The following ANKRD17 variants were observed in gnomAD, a reference collection of about 807,000 sequenced individuals.
The protein encoded by ANKRD17 is ankyrin repeat domain 17, also known as ankyrin repeat domain-containing protein 17.
In ANKRD17, 19 loss-of-function variants were observed where a neutral mutation model predicts 229.7. The observed-to-expected ratio is 0.08, with a 90% CI of 0.06 to 0.12. The LOEUF (loss-of-function observed/expected upper bound fraction) is 0.12, where lower values mean the gene tolerates loss of function less well. Ranked by LOEUF, ANKRD17 falls within the 10% of genes least tolerant of loss-of-function variation. The pLI, the probability that ANKRD17 is intolerant of heterozygous loss-of-function variation, is 1.00. For missense variants in ANKRD17, 2,176 were observed against 3,176.8 expected (o/e 0.68, Z 7.57); for synonymous variants, 1,112 against 1,146.1 (o/e 0.97, Z 0.60).
Position 73,073,377 on chromosome 4 carries a change from C to T in ANKRD17, c.*2854G>A, listed in dbSNP as rs1577965239. Reference sequence around the variant, plus strand: ...TGGGAATAAGTGTTGTGAAAAACATCAACATGAAAATAGATTTAATAAACT... The same window carrying T: ...TGGGAATAAGTGTTGTGAAAAACATTAACATGAAAATAGATTTAATAAACT... On this transcript the variant is annotated 3_prime_UTR_variant, in exon 34 of 34. Coordinates refer to ENST00000358602, the MANE Select transcript of ANKRD17 (RefSeq NM_032217.5). 1 of 152,020 alleles carries T rather than the reference C, an allele frequency of 6.6e-6. No homozygotes were observed. Among genetic ancestry groups the T allele is most frequent in the Non-Finnish European group, 1.5e-5 (1 of 67,930 alleles). 9.4% of individuals were successfully genotyped at this position (152,020 alleles called of 1,614,324 possible).
intron 27 of ANKRD17, 49 bp from the exon 28 acceptor site, chr4:73,094,277 T>C (rs1386163238): frequency 1.8e-5 from 27 of 1,509,982 alleles, no homozygotes; most frequent in Non-Finnish European, 2.5e-5. Context: ...TAACAATAGT[T>C]ATTGTAATTT....
chr4:73,168,266 A>G (rs1733503975), intron 2 of ANKRD17, among the ~76,000 whole-genome samples: 1 of 152,186 alleles, frequency 6.6e-6, no homozygotes, highest in African/African-American at 2.4e-5. Context: ...CATGCATTGC[A>G]TGTATAATAG....
intron 7 of ANKRD17, among the ~76,000 whole-genome samples, chr4:73,150,022 C>A (rs552078547): frequency 6.6e-6 from 1 of 152,250 alleles, no homozygotes; most frequent in East Asian, 1.9e-4. Context: ...CAGACATATT[C>A]TTTCAAACAT....
rs748135097 is a variant in ANKRD17, at chr4:73,098,518, C to G, written c.4576G>C (p.Glu1526Gln). 32 of 1,608,644 alleles carry G rather than the reference C, an allele frequency of 2.0e-5. No homozygotes were observed. The African/African-American group carries it at 4.0e-4, about 20-fold the overall frequency. ...QEKEKLKVED[E>Q]PEVLTEPPSA... ...GGAGGTTCTGTCAAGACTTCAGGCT[C>G]ATCTGTAAAAGTAGCAATACTGAAT... Residue 1526 changes from glutamate (E) to glutamine (Q), a missense_variant and splice_region_variant, in exon 26 of 34, where the codon GAG becomes CAG. Physicochemically the swap from Glu to Gln is conservative, Grantham distance 29. This residue lies in a region of ANKRD17 where 105 missense variants were observed against 118.3 expected (regional missense o/e 0.89). Coordinates refer to ENST00000358602, the MANE Select transcript of ANKRD17 (RefSeq NM_032217.5).
chr4:73,189,497 A>G, intron 1 of ANKRD17, among the ~76,000 whole-genome samples: 1 of 146,252 alleles, frequency 6.8e-6, no homozygotes, highest in East Asian at 2.0e-4. Flanking sequence ...CCTGGGTTCA[A>G]GCTATTTTCC....
intron 2 of ANKRD17, among the ~76,000 whole-genome samples, chr4:73,163,858 T>A (rs1732867145): frequency 6.6e-6 from 1 of 152,154 alleles, no homozygotes. Context: ...ATGCTTTTCT[T>A]TAATAAAAAA....
intron 16 of ANKRD17, among the ~76,000 whole-genome samples, chr4:73,134,521 T>G (rs1208018614): frequency 6.6e-6 from 1 of 152,128 alleles, no homozygotes; most frequent in Non-Finnish European, 1.5e-5. Context: ...CAACTACTTT[T>G]TAATAAAAAA....
At chr4:73,221,104 T>C (rs959060998) in intron 1 of ANKRD17, among the ~76,000 whole-genome samples, 8 of 152,086 alleles carry the variant, frequency 5.3e-5, no homozygotes, top group Non-Finnish European at 1.2e-4. Context: ...TATTACTACT[T>C]AGAAAATGTT....
intron 14 of ANKRD17, 106 bp downstream of exon 14, chr4:73,141,635 A>T: frequency 9.5e-7 from 1 of 1,050,692 alleles, no homozygotes; most frequent in Non-Finnish European, 1.4e-6. Context: ...AAAATTTAGT[A>T]ATGCCAACTT....
Position 73,091,191 on chromosome 4 carries a change from G to A in ANKRD17, c.6437C>T (p.Pro2146Leu), listed in dbSNP as rs765414604. The A allele has an allele frequency of 2.5e-6, 4 of 1,614,196 alleles. No homozygotes were observed. In the South Asian group the frequency reaches 4.4e-5, roughly 18 times the overall value. The change falls in exon 29 of 34, where the codon CCA (proline) becomes CTA (leucine). Residue 2146 changes from proline to leucine, a missense_variant. Around this residue, in one of 18 missense-constraint regions of ANKRD17, gnomAD observed 424 missense variants for 454.0 expected, o/e 0.93. Coordinates refer to ENST00000358602, the MANE Select transcript of ANKRD17 (RefSeq NM_032217.5). The part of the protein sequence containing the change: ...TVPPLATSSA[P>L]VAVPSTAPVT... Reference sequence around the variant, plus strand: ...TGGGGCAGTAGAAGGCACCGCCACTGGAGCAGAACTTGTTGCTAAAGGAGG... The same window carrying A: ...TGGGGCAGTAGAAGGCACCGCCACTAGAGCAGAACTTGTTGCTAAAGGAGG...
At chr4:73,101,200 T>C (rs1243464144) in intron 25 of ANKRD17, 4 of 973,636 alleles carry the variant, frequency 4.1e-6, no homozygotes, top group Non-Finnish European at 4.9e-6. Context: ...ACAGGATTAC[T>C]ATACTTCCAT....
intron 3 of ANKRD17, among the ~76,000 whole-genome samples, chr4:73,157,645 A>G (rs1161978961): frequency 6.6e-6 from 1 of 152,160 alleles, no homozygotes; most frequent in Non-Finnish European, 1.5e-5. Context: ...ACTTTTCTAT[A>G]GCCCTGTTAT....
At chr4:73,087,322 T>A (rs970239169) in intron 29 of ANKRD17, among the ~76,000 whole-genome samples, 6 of 152,116 alleles carry the variant, frequency 3.9e-5, no homozygotes, top group Non-Finnish European at 7.4e-5. Context: ...TGGCCTCAAA[T>A]GAGCCTCTTG....
chr4:73,248,418 ATCT>A (rs2149275843), intron 1 of ANKRD17, among the ~76,000 whole-genome samples: 1 of 152,190 alleles, frequency 6.6e-6, no homozygotes, highest in East Asian at 1.9e-4. Context: ...GGCTAAAATC[ATCT>A]TCACAGTTTT....
chr4:73,092,027 C>G lies in ANKRD17; in HGVS notation c.5601G>C (p.Lys1867Asn), dbSNP rs760672839. The change falls in exon 29 of 34, where the codon AAG (lysine) becomes AAC (asparagine). Residue 1867 changes from lysine (K) to asparagine (N), a missense_variant. This residue lies in a region of ANKRD17 where 142 missense variants were observed against 200.4 expected (regional missense o/e 0.71). Coordinates refer to ENST00000358602, the MANE Select transcript of ANKRD17 (RefSeq NM_032217.5). ...CAGGCCTCACATTATTCACTGGGTT[C>G]TTAATGGTTTTGTGAGTGGATGCAG... Reference protein sequence around the residue: ...ISSASTHKTIKNPVNNVRPGF... With the variant: ...ISSASTHKTINNPVNNVRPGF... The G allele has an allele frequency of 6.2e-7, 1 of 1,614,176 alleles. No individual in the cohort carries two copies. The highest frequency in any genetic ancestry group is 8.5e-7 in the Non-Finnish European group (1 of 1,180,038).
At chr4:73,246,684 A>G (rs1412243140) in intron 1 of ANKRD17, among the ~76,000 whole-genome samples, 1 of 152,334 alleles carries the variant, frequency 6.6e-6, no homozygotes, top group Middle Eastern at 3.4e-3. Context: ...GAGGTAAATA[A>G]TCAAAGTATG....
chr4:73,195,700 G>A (rs998432113), intron 1 of ANKRD17, among the ~76,000 whole-genome samples: 6 of 152,034 alleles, frequency 3.9e-5, no homozygotes, highest in Non-Finnish European at 7.4e-5. Context: ...GTAGACAGGG[G>A]GTTTCACCAT....
In ANKRD17 at chr4:73,074,446, ATATT is replaced by A. The variant is rs1560482138; in HGVS notation, c.*1781_*1784del. On this transcript the variant is annotated 3_prime_UTR_variant, in exon 34 of 34. Transcript: ENST00000358602. ...AGTGCTATAATTTTATTTCATAGCT[ATATT>A]TATTTGTAGGCTGTCTTTTAGCTCT... 6.6e-6 allele frequency: 1 copy of A among 151,976 alleles called. No homozygotes were observed. Among genetic ancestry groups the A allele is most frequent in the Admixed American group, 6.6e-5 (1 of 15,252 alleles). The allele number at this position is 151,976 out of a possible 1,614,324, so 9.4% of individuals were successfully genotyped here.
chr4:73,138,789 A>AT lies in ANKRD17; in HGVS notation c.3085+741dup, dbSNP rs1372077992. Among the ~76,000 whole-genome samples the AT allele has an allele frequency of 9.8e-5, 15 of 152,288 alleles. 1 individual carries two copies. Among genetic ancestry groups the AT allele is most frequent in the African/African-American group, 3.6e-4 (15 of 41,568 alleles). Reference sequence around the variant, plus strand: ...ATTACTTTGTTACAAAACACAAAAAATAAGTACCAAAAACTAGAAGCATAA... The same window carrying AT: ...ATTACTTTGTTACAAAACACAAAAAATTAAGTACCAAAAACTAGAAGCATAA... On this transcript the variant is annotated intron_variant, in intron 15 of 33. Coordinates refer to ENST00000358602, the MANE Select transcript of ANKRD17 (RefSeq NM_032217.5).
Sources: gnomAD v4.1 joint callset for allele counts (sites outside exome capture counted in the v4.1 genomes callset) on GRCh38, gnomAD v4.1.1 for gene constraint, gnomAD v4.1.1 regional missense constraint, MANE v1.5 for transcripts, NCBI Gene and HGNC (gene_info 2026-07-23, HGNC 2026-07-21) for gene names.